The following ADPRM variants were observed in gnomAD, a reference collection of about 807,000 sequenced individuals.
ADPRM encodes the protein manganese-dependent ADP-ribose/CDP-alcohol diphosphatase.
In ADPRM, 17 loss-of-function variants were observed where a neutral mutation model predicts 27.2. The ratio of observed to expected loss-of-function variants is 0.63; its 90% CI spans 0.43 to 0.94. The LOEUF is 0.94. Among genes scored for constraint, ADPRM ranks in the 40% least tolerant of loss-of-function variants. ADPRM has a pLI of 0.00. For synonymous variants in ADPRM, 135 were observed against 145.3 expected (o/e 0.93, Z 0.51); for missense variants, 337 against 412.8 (o/e 0.82, Z 1.59).
intron 1 of ADPRM, among the ~76,000 whole-genome samples, chr17:10,698,838 CTTT>C (rs1359164123): frequency 2.0e-5 from 3 of 152,116 alleles, no homozygotes; most frequent in Non-Finnish European, 4.4e-5. Context: ...GATTTTTGCT[CTTT>C]TATCTTTGTG....
chr17:10,704,918 T>G lies in ADPRM; in HGVS notation c.-9T>G. 4 of 1,561,272 alleles carry G rather than the reference T, an allele frequency of 2.6e-6. No homozygotes were observed. The highest frequency in any genetic ancestry group is 3.5e-6 in the Non-Finnish European group (4 of 1,157,304). On this transcript the variant is annotated 5_prime_UTR_variant, in exon 2 of 4. Coordinates refer to ENST00000379774, the MANE Select transcript of ADPRM (RefSeq NM_020233.5). Reference sequence around the variant, plus strand: ...CTTTTTACTTTATTTAGAAACCTGTTTGGAGGTTATGGATGATAAACCCAA... The same window carrying G: ...CTTTTTACTTTATTTAGAAACCTGTGTGGAGGTTATGGATGATAAACCCAA...
At chr17:10,706,662 T>G in intron 3 of ADPRM, 108 bp downstream of exon 3, 2 of 708,540 alleles carry the variant, frequency 2.8e-6, no homozygotes, top group Non-Finnish European at 2.1e-6. Context: ...TTCTATAAAA[T>G]GGACACTTAG....
At chr17:10,703,296 C>T (rs1196003552) in intron 1 of ADPRM, among the ~76,000 whole-genome samples, 1 of 152,112 alleles carries the variant, frequency 6.6e-6, no homozygotes, top group Admixed American at 6.5e-5. Flanking sequence ...CTCATTTATA[C>T]ACCCTCATAC....
rs1484391252 is a variant in ADPRM at position 10,702,619 on chromosome 17, TA to T, written c.-17-2290del. Among the ~76,000 whole-genome samples, 9 of 152,202 alleles carry T rather than the reference TA, an allele frequency of 5.9e-5. No individual in the cohort carries two copies. Among genetic ancestry groups the T allele is most frequent in the African/African-American group, 2.2e-4 (9 of 41,450 alleles). Reference sequence around the variant, plus strand: ...AGCCTTAGTTTATCAGCGTTTGTAGTAGTGGCAGTGCCTGTCCCAGGGCTGA... The same window carrying T: ...AGCCTTAGTTTATCAGCGTTTGTAGTGTGGCAGTGCCTGTCCCAGGGCTGA... On this transcript the variant is annotated intron_variant, in intron 1 of 3. Coordinates refer to ENST00000379774, the MANE Select transcript of ADPRM (RefSeq NM_020233.5). This position sits in a 1 kb window ranked among gnomAD's most constrained non-coding sequence, Gnocchi z 4.2.
chr17:10,710,605 G>A (rs1191640635), intron 3 of ADPRM, among the ~76,000 whole-genome samples: 2 of 152,166 alleles, frequency 1.3e-5, no homozygotes, highest in African/African-American at 2.4e-5. Context: ...TGCCTCTACA[G>A]CAGCCTGTCG....
intron 3 of ADPRM, among the ~76,000 whole-genome samples, chr17:10,709,634 G>A (rs1597518145): frequency 6.6e-6 from 1 of 152,084 alleles, no homozygotes; most frequent in Non-Finnish European, 1.5e-5. Context: ...GGACTTGATA[G>A]ATGAGTCAAT....
At chr17:10,708,285 C>T (rs539349884) in intron 3 of ADPRM, among the ~76,000 whole-genome samples, 45 of 151,660 alleles carry the variant, frequency 3.0e-4, no homozygotes, top group African/African-American at 9.7e-4. Context: ...AAAAATTAGC[C>T]GGGCGTGGTG....
chr17:10,698,790 A>G (rs1246484924), intron 1 of ADPRM, among the ~76,000 whole-genome samples: 2 of 152,252 alleles, frequency 1.3e-5, no homozygotes, highest in African/African-American at 4.8e-5. Flanking sequence ...GTCGTTAATC[A>G]AACTATTTTT....
At chr17:10,700,019 C>T (rs909574745) in intron 1 of ADPRM, among the ~76,000 whole-genome samples, 1 of 152,192 alleles carries the variant, frequency 6.6e-6, no homozygotes, top group African/African-American at 2.4e-5. Flanking sequence ...GTTCCAGGCC[C>T]CTGCCCCTTG....
rs1473544267 is a variant in ADPRM at position 10,702,426 on chromosome 17, C to T, written c.-17-2484C>T. 6.6e-6 allele frequency among the ~76,000 whole-genome samples: 1 copy of T among 152,156 alleles called. No homozygotes were observed. The highest frequency in any genetic ancestry group is 2.4e-5 in the African/African-American group (1 of 41,426). On this transcript the variant is annotated intron_variant, in intron 1 of 3. Coordinates refer to ENST00000379774, the MANE Select transcript of ADPRM (RefSeq NM_020233.5). The surrounding 1 kb of genome is among the most constrained non-coding windows in gnomAD (Gnocchi z 4.2). ...AATCAATTTGATTTAGCTTTAAGCCCAGGAGAATTTATGTGCTGACATGTG... is the reference window on the plus strand; with the variant it reads ...AATCAATTTGATTTAGCTTTAAGCCTAGGAGAATTTATGTGCTGACATGTG...
rs368444216 is a variant in ADPRM, at chr17:10,705,093, T to C, written c.167T>C (p.Ile56Thr). Residue 56 changes from isoleucine to threonine, a missense_variant, in exon 2 of 4, where the codon ATT (isoleucine) becomes ACT (threonine). Transcript: ENST00000379774. The surrounding 1 kb of genome is among the most constrained non-coding windows in gnomAD (Gnocchi z 5.4). ...AGTCTTCTTCACTTACAGGGTGCCA[T>C]TGAAGACTGGAATAATGAAAGCAGC... ...RHSLLHLQGAIEDWNNESSMP... is the reference protein window; with the variant it reads ...RHSLLHLQGATEDWNNESSMP... The C allele has an allele frequency of 1.9e-5, 30 of 1,614,060 alleles. No homozygotes were observed. Among genetic ancestry groups the C allele is most frequent in the African/African-American group, 5.3e-5 (4 of 74,934 alleles).
At position 10,711,326 on chromosome 17, in the gene ADPRM, A is replaced by G. The variant is rs1290443847; in HGVS notation, c.*182A>G. 1 of 617,066 alleles carries G rather than the reference A, an allele frequency of 1.6e-6. No individual in the cohort carries two copies. Among genetic ancestry groups the G allele is most frequent in the East Asian group, 2.9e-5 (1 of 34,350 alleles). 38.2% of individuals were successfully genotyped at this position (617,066 alleles called of 1,614,324 possible). On this transcript the variant is annotated 3_prime_UTR_variant, in exon 4 of 4. Transcript: ENST00000379774. ...TTATTTTGGATCATGTATCCATTGTAAGTTAGAAACAAACCAGGGAGGAAA... is the reference window on the plus strand; with the variant it reads ...TTATTTTGGATCATGTATCCATTGTGAGTTAGAAACAAACCAGGGAGGAAA...
rs760527416 is a variant in ADPRM at position 10,706,440 on chromosome 17, CT to C, written c.607del (p.Ser203LeufsTer17). 2 of 1,595,082 alleles carry C rather than the reference CT, an allele frequency of 1.3e-6. No individual in the cohort carries two copies. The highest frequency in any genetic ancestry group is 2.3e-5 in the South Asian group (2 of 86,742). On this transcript the variant is annotated frameshift_variant, in exon 3 of 4. Coordinates refer to ENST00000379774, the MANE Select transcript of ADPRM (RefSeq NM_020233.5). LOFTEE classifies it high-confidence loss of function. ...CTAACTTACTGAATTCATTTCAGGA[CT>C]TTCTGAGCCCCAGTTTGTCCAGTTT... ...PNTELNSPQGLSEPQFVQFNG... is the reference protein window; with the variant it reads ...PNTELNSPQGXSEPQFVQFNG...
rs1327797961 is a variant in ADPRM at position 10,710,827 on chromosome 17, C to G, written c.719-7C>G. ...GGCTCATAACTCTTCTTTTCTTTAA[C>G]TAACAGGCCATCTTCCCATTTACCC... On this transcript the variant is annotated splice_polypyrimidine_tract_variant and splice_region_variant and intron_variant, in intron 3 of 3. Transcript: ENST00000379774. 2 of 1,611,010 alleles carry G rather than the reference C, an allele frequency of 1.2e-6. No individual in the cohort carries two copies. Among genetic ancestry groups the G allele is most frequent in the Non-Finnish European group, 1.7e-6 (2 of 1,177,512 alleles).
At chr17:10,699,518 C>CTTTTTTTTTTT (rs781412834) in intron 1 of ADPRM, among the ~76,000 whole-genome samples, 8 of 113,340 alleles carry the variant, frequency 7.1e-5, no homozygotes, top group East Asian at 2.8e-4. Flanking sequence ...TCTTTTCTTT[C>CTTTTTTTTTTT]TTTTTTTTTT....
Position 10,702,415 on chromosome 17 carries a change from A to C in ADPRM, c.-17-2495A>C, listed in dbSNP as rs2074784910. 6.6e-6 allele frequency among the ~76,000 whole-genome samples: 1 copy of C among 152,242 alleles called. No individual in the cohort carries two copies. The highest frequency in any genetic ancestry group is 1.9e-4 in the East Asian group (1 of 5,204). ...AAATGACAGAAAATCAATTTGATTT[A>C]GCTTTAAGCCCAGGAGAATTTATGT... On this transcript the variant is annotated intron_variant, in intron 1 of 3. Coordinates refer to ENST00000379774, the MANE Select transcript of ADPRM (RefSeq NM_020233.5). This position sits in a 1 kb window ranked among gnomAD's most constrained non-coding sequence, Gnocchi z 4.2.
At position 10,698,602 on chromosome 17, in the gene ADPRM, T is replaced by G. The variant is rs567658255; in HGVS notation, c.-18+935T>G. ...TAGGAGAAACTCGTGCTCTGATGATTGTTGGACCAGAGCATGGTTGGTTTG... is the reference window on the plus strand; with the variant it reads ...TAGGAGAAACTCGTGCTCTGATGATGGTTGGACCAGAGCATGGTTGGTTTG... On this transcript the variant is annotated intron_variant, in intron 1 of 3. Coordinates refer to ENST00000379774, the MANE Select transcript of ADPRM (RefSeq NM_020233.5). 5.3e-5 allele frequency among the ~76,000 whole-genome samples: 8 copies of G among 152,336 alleles called. No individual in the cohort carries two copies. In the South Asian group the frequency reaches 1.7e-3, roughly 32 times the overall value.
intron 1 of ADPRM, among the ~76,000 whole-genome samples, chr17:10,703,053 A>T (rs1283766315): frequency 6.6e-6 from 1 of 152,186 alleles, no homozygotes; most frequent in East Asian, 1.9e-4. Context: ...TATAACTCTT[A>T]ATGGTTAATA....
At chr17:10,704,707 A>ATC (rs2074802131) in intron 1 of ADPRM, among the ~76,000 whole-genome samples, 1 of 152,172 alleles carries the variant, frequency 6.6e-6, no homozygotes, top group Non-Finnish European at 1.5e-5. Flanking sequence ...AGAGTTTATC[A>ATC]TCTGTTTTAC....
Sources: allele counts gnomAD v4.1 joint callset (sites outside exome capture counted in the v4.1 genomes callset), GRCh38; gene constraint gnomAD v4.1.1; non-coding constraint Gnocchi (gnomAD v3.1); transcripts MANE v1.5; gene names NCBI Gene and HGNC (gene_info 2026-07-23, HGNC 2026-07-21).